UNC13C: variants seen among roughly 807,000 people sequenced by gnomAD.
UNC13C encodes protein unc-13 homolog C.
In UNC13C, 174 loss-of-function variants were observed where a neutral mutation model predicts 245.4. That is an observed-to-expected ratio of 0.71 (90% CI 0.63 to 0.80). The LOEUF is 0.80. Ranked by LOEUF, UNC13C falls within the 30% of genes least tolerant of loss-of-function variation. The pLI, the probability that UNC13C is intolerant of heterozygous loss-of-function variation, is 0.00. For missense variants in UNC13C, 2,829 were observed against 2,602.9 expected (o/e 1.09, Z -1.89); for synonymous variants, 992 against 895.1 (o/e 1.11, Z -1.93).
chr15:53,885,517 T>C, the UNC13C span, among the ~76,000 whole-genome samples: 1 of 152,170 alleles, frequency 6.6e-6, no homozygotes, highest in Admixed American at 6.5e-5. Flanking sequence ...TACTCTTGTG[T>C]CCAATCACAT....
intron 4 of UNC13C, among the ~76,000 whole-genome samples, chr15:54,201,796 A>T (rs1239927438): frequency 2.0e-5 from 3 of 152,040 alleles, no homozygotes; most frequent in Non-Finnish European, 4.4e-5. Context: ...TCAATATAGT[A>T]CTGAAAGTCC....
intron 30 of UNC13C, among the ~76,000 whole-genome samples, chr15:54,584,161 C>T (rs1898354884): frequency 6.6e-6 from 1 of 152,136 alleles, no homozygotes; most frequent in Non-Finnish European, 1.5e-5. Flanking sequence ...TGGTTTCTGG[C>T]CCCCTCCAAA....
At chr15:54,480,243 C>G (rs1567313351) in intron 19 of UNC13C, among the ~76,000 whole-genome samples, 1 of 151,828 alleles carries the variant, frequency 6.6e-6, no homozygotes, top group East Asian at 1.9e-4. Flanking sequence ...TCATTTAGCT[C>G]TGCTGTGGTC....
the UNC13C span, among the ~76,000 whole-genome samples, chr15:53,916,546 C>A: frequency 2.0e-4 from 31 of 152,054 alleles, no homozygotes; most frequent in African/African-American, 6.3e-4. Flanking sequence ...TGAGACATAG[C>A]AGTAGTGAAG....
intron 10 of UNC13C, among the ~76,000 whole-genome samples, chr15:54,266,808 C>T (rs2036559829): frequency 6.6e-6 from 1 of 152,060 alleles, no homozygotes; most frequent in Admixed American, 6.6e-5. Context: ...TCCCTTCTGA[C>T]TTCCCGTGTG....
intron 5 of UNC13C, among the ~76,000 whole-genome samples, chr15:54,235,466 T>C (rs1167842275): frequency 5.3e-5 from 8 of 151,474 alleles, no homozygotes; most frequent in Non-Finnish European, 1.0e-4. Context: ...AGGCTTTATT[T>C]AAACTTCTTC....
At chr15:54,424,635 A>G (rs1375941486) in intron 19 of UNC13C, among the ~76,000 whole-genome samples, 4 of 151,894 alleles carry the variant, frequency 2.6e-5, no homozygotes, top group African/African-American at 9.7e-5. Flanking sequence ...GAATACCTGT[A>G]AATGGTTTGT....
At chr15:54,189,373 TTA>T (rs2034104193) in intron 4 of UNC13C, among the ~76,000 whole-genome samples, 1 of 152,142 alleles carries the variant, frequency 6.6e-6, no homozygotes, top group Non-Finnish European at 1.5e-5. Flanking sequence ...ACGATTTTTT[TTA>T]AATTCAATTT....
chr15:54,008,756 G>C (rs1895251589), intron 1 of UNC13C, among the ~76,000 whole-genome samples: 1 of 152,142 alleles, frequency 6.6e-6, no homozygotes, highest in Non-Finnish European at 1.5e-5. Flanking sequence ...CTGGGTGTAA[G>C]GGTTTGTGTC....
At chr15:54,579,781 A>G (rs997374249) in intron 30 of UNC13C, among the ~76,000 whole-genome samples, 1 of 151,990 alleles carries the variant, frequency 6.6e-6, no homozygotes. Flanking sequence ...AACAAGAAAA[A>G]CTTTAGGATT....
chr15:54,215,635 T>C (rs2035016432), intron 4 of UNC13C, among the ~76,000 whole-genome samples: 2 of 151,952 alleles, frequency 1.3e-5, no homozygotes, highest in Admixed American at 6.6e-5. Context: ...AGTGAGGCCA[T>C]CTTATCTTTA....
rs187582975 is a variant in UNC13C, at chr15:54,560,571, C to A, written c.5958+5059C>A. ...TACTTCATATATAGCTCCTTCCTAC[C>A]CCCGCGGTGATAATAGTGCTCCTTA... On this transcript the variant is annotated intron_variant, in intron 29 of 32. Coordinates refer to ENST00000260323, the MANE Select transcript of UNC13C (RefSeq NM_001080534.3). Among the ~76,000 whole-genome samples, 27 of 151,836 alleles carry A rather than the reference C, an allele frequency of 1.8e-4. No individual in the cohort carries two copies. In the East Asian group the frequency reaches 4.5e-3, roughly 25 times the overall value.
chr15:54,234,069 G>A (rs1024213052), intron 4 of UNC13C, among the ~76,000 whole-genome samples: 1 of 151,980 alleles, frequency 6.6e-6, no homozygotes, highest in Non-Finnish European at 1.5e-5. Flanking sequence ...AATAATACAT[G>A]CCTATTTAAA....
intron 26 of UNC13C, among the ~76,000 whole-genome samples, chr15:54,544,129 G>C (rs1044087300): frequency 5.9e-5 from 9 of 152,138 alleles, no homozygotes; most frequent in South Asian, 2.1e-4. Flanking sequence ...AGGATCCAAG[G>C]CTGGTTCAAC....
intron 2 of UNC13C, among the ~76,000 whole-genome samples, chr15:54,051,698 T>C (rs1279727564): frequency 6.6e-6 from 1 of 151,968 alleles, no homozygotes; most frequent in African/African-American, 2.4e-5. Flanking sequence ...CTGGCATTCG[T>C]GTTTTCCAGG....
chr15:54,427,204 A>G (rs768915532), intron 19 of UNC13C, among the ~76,000 whole-genome samples: 9 of 151,756 alleles, frequency 5.9e-5, no homozygotes, highest in Admixed American at 3.9e-4. Context: ...TGTCTCCCAG[A>G]ATTCCCATGT....
intron 2 of UNC13C, among the ~76,000 whole-genome samples, chr15:54,074,586 G>A (rs1898496806): frequency 6.6e-6 from 1 of 152,124 alleles, no homozygotes; most frequent in Admixed American, 6.5e-5. Context: ...TCCTTGAAGA[G>A]GTCTTTCACA....
At chr15:54,077,615 C>T (rs1898708517) in intron 2 of UNC13C, among the ~76,000 whole-genome samples, 1 of 151,916 alleles carries the variant, frequency 6.6e-6, no homozygotes, top group African/African-American at 2.4e-5. Context: ...ATGTGATCTG[C>T]CCACCTAGGC....
the UNC13C span, among the ~76,000 whole-genome samples, chr15:53,881,365 A>G: frequency 3.6e-4 from 55 of 152,332 alleles, 1 homozygote; most frequent in African/African-American, 1.2e-3. Flanking sequence ...GCCATTAAGT[A>G]TCTTAAAAGT....
Sources: gnomAD v4.1 joint callset for allele counts (sites outside exome capture counted in the v4.1 genomes callset) on GRCh38, gnomAD v4.1.1 for gene constraint, MANE v1.5 for transcripts, NCBI Gene and HGNC (gene_info 2026-07-23, HGNC 2026-07-21) for gene names.